SPTBN1: variants seen among roughly 807,000 people sequenced by gnomAD.
SPTBN1 encodes spectrin beta chain, non-erythrocytic 1.
A neutral mutation model predicts 266.4 loss-of-function variants in SPTBN1; 32 were observed. The observed-to-expected ratio is 0.12, with a 90% CI of 0.09 to 0.16. The LOEUF (loss-of-function observed/expected upper bound fraction) is 0.16. Among genes scored for constraint, SPTBN1 ranks in the 10% least tolerant of loss-of-function variants. The pLI, the probability that SPTBN1 is intolerant of heterozygous loss-of-function variation, is 1.00. For synonymous variants in SPTBN1, 1,336 were observed against 1,162.2 expected (o/e 1.15, Z -3.04); for missense variants, 2,296 against 3,067.1 (o/e 0.75, Z 5.94).
intron 2 of SPTBN1, among the ~76,000 whole-genome samples, chr2:54,590,816 C>T (rs1675625682): frequency 6.6e-6 from 1 of 152,156 alleles, no homozygotes; most frequent in African/African-American, 2.4e-5. Context: ...CCGTTTGGGA[C>T]CTTTAAATGC....
intron 4 of SPTBN1, among the ~76,000 whole-genome samples, chr2:54,615,645 A>C (rs979737388): frequency 2.0e-5 from 3 of 152,200 alleles, no homozygotes; most frequent in Non-Finnish European, 4.4e-5. Flanking sequence ...TGGAGCCTGG[A>C]TTCACATCCA....
At chr2:54,459,603 A>ATT (rs34862405) in intron 1 of SPTBN1, among the ~76,000 whole-genome samples, 2 of 151,946 alleles carry the variant, frequency 1.3e-5, no homozygotes, top group Admixed American at 6.6e-5. Flanking sequence ...TTAAAGCCTA[A>ATT]TTTTTTTTAC....
chr2:54,576,074 A>ATTTTTTTTTTTTTTTTTTTTTTTTT lies in SPTBN1; in HGVS notation c.149-23018_149-23017insTTTTTTTTTTTTTTTTTTTTTTTTT, dbSNP rs1209132160. Among the ~76,000 whole-genome samples, 106 of 93,850 alleles carry ATTTTTTTTTTTTTTTTTTTTTTTTT rather than the reference A, an allele frequency of 1.1e-3. 22 individuals carry two copies. Among genetic ancestry groups the ATTTTTTTTTTTTTTTTTTTTTTTTT allele is most frequent in the Non-Finnish European group, 1.4e-3 (70 of 49,382 alleles). The allele number at this position is 93,850 out of a possible 152,430, so 61.6% of individuals were successfully genotyped here. On this transcript the variant is annotated intron_variant, in intron 2 of 35. Coordinates refer to ENST00000356805, the MANE Select transcript of SPTBN1 (RefSeq NM_003128.3). ...ATCCAGCTTTTTTTTTTTTTTTTTG[A>ATTTTTTTTTTTTTTTTTTTTTTTTT]GAGACAGTCTGGCTGTGTCTCCCAG...
intron 1 of SPTBN1, among the ~76,000 whole-genome samples, chr2:54,476,022 T>C (rs1667805586): frequency 6.6e-6 from 1 of 152,208 alleles, no homozygotes; most frequent in Admixed American, 6.5e-5. Context: ...TCACTTCTGG[T>C]CACTATATAT....
chr2:54,480,977 C>T (rs1380842727), intron 1 of SPTBN1, among the ~76,000 whole-genome samples: 3 of 152,106 alleles, frequency 2.0e-5, no homozygotes, highest in Non-Finnish European at 4.4e-5. Flanking sequence ...TTATATTTCA[C>T]TTGTCAATGT....
At chr2:54,600,049 A>G (rs1676380700) in intron 3 of SPTBN1, among the ~76,000 whole-genome samples, 1 of 152,198 alleles carries the variant, frequency 6.6e-6, no homozygotes, top group Non-Finnish European at 1.5e-5. Flanking sequence ...CCACATCTGT[A>G]CTGACATCAC....
intron 1 of SPTBN1, among the ~76,000 whole-genome samples, chr2:54,456,855 G>T (rs1693060792): frequency 1.3e-5 from 2 of 151,382 alleles, no homozygotes; most frequent in South Asian, 4.1e-4. Context: ...CCTCCTCCCT[G>T]CCTCCGCCGG....
At chr2:54,519,028 C>G (rs1670273828) in intron 1 of SPTBN1, among the ~76,000 whole-genome samples, 1 of 148,002 alleles carries the variant, frequency 6.8e-6, no homozygotes, top group Non-Finnish European at 1.5e-5. Context: ...AAAAATGTGA[C>G]TTCCTTGAAA....
intron 2 of SPTBN1, among the ~76,000 whole-genome samples, chr2:54,593,730 C>G (rs1370576215): frequency 6.6e-6 from 1 of 151,282 alleles, no homozygotes; most frequent in Non-Finnish European, 1.5e-5. Context: ...GGAGAGTTAC[C>G]CAATAATGCA....
intron 3 of SPTBN1, 51 bp downstream of exon 3, chr2:54,599,294 T>C (rs1210730223): frequency 5.0e-6 from 8 of 1,594,366 alleles, no homozygotes; most frequent in South Asian, 1.1e-5. Flanking sequence ...AAAATATTTT[T>C]GAAAAATCAA....
Position 54,503,701 on chromosome 2 carries a change from A to C in SPTBN1, c.-47-22671A>C, listed in dbSNP as rs114562505. Among the ~76,000 whole-genome samples, 995 of 152,284 alleles carry C rather than the reference A, an allele frequency of 6.5e-3. 15 individuals carry two copies. The highest frequency in any genetic ancestry group is 0.023 in the African/African-American group (959 of 41,546). On this transcript the variant is annotated intron_variant, in intron 1 of 35. Transcript: ENST00000356805. ...ACAGCAATATTAAAAACATATACCC[A>C]TTGCCAAAAAGCAAAACCAACCCAC...
At chr2:54,577,197 C>T (rs1028075691) in intron 2 of SPTBN1, among the ~76,000 whole-genome samples, 4 of 152,140 alleles carry the variant, frequency 2.6e-5, no homozygotes, top group African/African-American at 7.2e-5. Context: ...GGTTAAATGA[C>T]CTTGGACAAG....
At chr2:54,476,299 T>C (rs1667828429) in intron 1 of SPTBN1, among the ~76,000 whole-genome samples, 3 of 152,114 alleles carry the variant, frequency 2.0e-5, no homozygotes, top group African/African-American at 7.2e-5. Context: ...AATCCTCCCA[T>C]GTAGCCACAA....
At chr2:54,666,735 C>T (rs1277883512) in intron 34 of SPTBN1, among the ~76,000 whole-genome samples, 4 of 152,194 alleles carry the variant, frequency 2.6e-5, no homozygotes, top group African/African-American at 7.2e-5. Context: ...GGTTAGAATG[C>T]TTGTTTACTG....
At chr2:54,662,091 C>T in intron 32 of SPTBN1, 1 of 985,340 alleles carries the variant, frequency 1.0e-6, no homozygotes, top group Non-Finnish European at 1.2e-6. Context: ...ATGTTCACCT[C>T]CTGATTTAAG....
intron 1 of SPTBN1, among the ~76,000 whole-genome samples, chr2:54,486,394 T>G (rs1668392826): frequency 6.6e-6 from 1 of 152,168 alleles, no homozygotes; most frequent in African/African-American, 2.4e-5. Flanking sequence ...TCTTCTGCCT[T>G]GGGATCCTGT....
rs1007359006 is a variant in SPTBN1 at position 54,533,079 on chromosome 2, G to T, written c.148+6513G>T. 4.0e-5 allele frequency among the ~76,000 whole-genome samples: 6 copies of T among 151,852 alleles called. No homozygotes were observed. Among genetic ancestry groups the T allele is most frequent in the South Asian group, 4.2e-4 (2 of 4,812 alleles). ...CAGGGCCATTATTAAGTCAAATAAG[G>T]GTTACCTGACAGTTAATCTGATAAT... On this transcript the variant is annotated intron_variant, in intron 2 of 35. Coordinates refer to ENST00000356805, the MANE Select transcript of SPTBN1 (RefSeq NM_003128.3). This position sits in a 1 kb window ranked among gnomAD's most constrained non-coding sequence, Gnocchi z 4.2.
Position 54,623,540 on chromosome 2 carries a change from A to G in SPTBN1, c.1126A>G (p.Asn376Asp). The G allele has an allele frequency of 6.2e-7, 1 of 1,614,224 alleles. No homozygotes were observed. The highest frequency in any genetic ancestry group is 8.5e-7 in the Non-Finnish European group (1 of 1,180,030). ...CACCATTCAGAGCAAGATGAGGGCC[A>G]ACAACCAGAAGGTCTACATGCCCCG... The part of the protein sequence containing the change: ...LFTIQSKMRA[N>D]NQKVYMPREG... The change falls in exon 10 of 36, where the codon AAC (asparagine) becomes GAC (aspartate). Residue 376 changes from asparagine (N) to aspartate (D), a missense_variant. By Grantham distance (23) the Asn-to-Asp change is conservative. Around this residue, in one of 12 missense-constraint regions of SPTBN1, gnomAD observed 148 missense variants for 203.8 expected, o/e 0.73. Coordinates refer to ENST00000356805, the MANE Select transcript of SPTBN1 (RefSeq NM_003128.3).
rs1035677488 is a variant in SPTBN1 at position 54,512,019 on chromosome 2, C to T, written c.-47-14353C>T. ...TCTGGCGTTAGATTCTCATAAGGAGCGCACAATCCTGATCCCTGTCATGTG... is the reference window on the plus strand; with the variant it reads ...TCTGGCGTTAGATTCTCATAAGGAGTGCACAATCCTGATCCCTGTCATGTG... On this transcript the variant is annotated intron_variant, in intron 1 of 35. Coordinates refer to ENST00000356805, the MANE Select transcript of SPTBN1 (RefSeq NM_003128.3). Among the ~76,000 whole-genome samples, 7 of 152,088 alleles carry T rather than the reference C, an allele frequency of 4.6e-5. No individual in the cohort carries two copies. In the East Asian group the frequency reaches 7.7e-4, roughly 17 times the overall value.
Sources: allele counts gnomAD v4.1 joint callset (sites outside exome capture counted in the v4.1 genomes callset), GRCh38; gene constraint gnomAD v4.1.1; regional missense constraint gnomAD v4.1.1; non-coding constraint Gnocchi (gnomAD v3.1); transcripts MANE v1.5; gene names NCBI Gene and HGNC (gene_info 2026-07-23, HGNC 2026-07-21).